RGPD2: variants seen among roughly 807,000 people sequenced by gnomAD.
RGPD2 encodes RANBP2 like and GRIP domain containing 2.
A neutral mutation model predicts 36.0 loss-of-function variants in RGPD2; 2 were observed. The ratio of observed to expected loss-of-function variants is 0.06; its 90% confidence interval spans 0.02 to 0.17. The LOEUF is 0.17. Among genes scored for constraint, RGPD2 ranks in the 10% least tolerant of loss-of-function variants. The pLI is 1.00. For synonymous variants in RGPD2, 19 were observed against 163.8 expected (o/e 0.12, Z 6.75); for missense variants, 40 against 464.3 (o/e 0.09, Z 8.40).
chr2:87,885,490 G>T, the RGPD2 span, among the ~76,000 whole-genome samples: 5 of 151,600 alleles, frequency 3.3e-5, no homozygotes, highest in African/African-American at 7.3e-5. Flanking sequence ...AGTACTGGAA[G>T]TCCTAGCCAG....
intron 20 of RGPD2, among the ~76,000 whole-genome samples, chr2:87,780,249 CAGAT>C: frequency 1.9e-5 from 1 of 51,388 alleles, no homozygotes; most frequent in East Asian, 4.1e-4. Flanking sequence ...TTGGGTAAAT[CAGAT>C]AGCCTCTCTT....
chr2:87,869,802 T>C, the RGPD2 span, among the ~76,000 whole-genome samples: 1 of 152,100 alleles, frequency 6.6e-6, no homozygotes, highest in African/African-American at 2.4e-5. Context: ...AAAAACTGAC[T>C]ATAAGAGAAG....
At chr2:87,858,020 C>A in the RGPD2 span, among the ~76,000 whole-genome samples, 1 of 152,210 alleles carries the variant, frequency 6.6e-6, no homozygotes, top group Non-Finnish European at 1.5e-5. Flanking sequence ...TGAAGCATTA[C>A]GTTAACTGCA....
chr2:87,853,318 G>A, the RGPD2 span, among the ~76,000 whole-genome samples: 5 of 152,100 alleles, frequency 3.3e-5, no homozygotes, highest in Non-Finnish European at 7.3e-5. Flanking sequence ...GAACTCTCAC[G>A]CTCAACTGTT....
chr2:87,857,759 A>G, the RGPD2 span, among the ~76,000 whole-genome samples: 12 of 149,424 alleles, frequency 8.0e-5, no homozygotes, highest in African/African-American at 3.0e-4. Context: ...CAACACGGTG[A>G]AACCCCATCT....
the RGPD2 span, among the ~76,000 whole-genome samples, chr2:87,879,322 T>A: frequency 6.6e-6 from 1 of 152,114 alleles, no homozygotes; most frequent in African/African-American, 2.4e-5. Context: ...CTTTTGATTT[T>A]AAAATGTATA....
At chr2:87,939,208 A>G in the RGPD2 span, among the ~76,000 whole-genome samples, 2 of 151,366 alleles carry the variant, frequency 1.3e-5, no homozygotes, top group Non-Finnish European at 2.9e-5. Flanking sequence ...ACGATTAACG[A>G]TACAAGTAAG....
At chr2:87,867,652 G>T in the RGPD2 span, among the ~76,000 whole-genome samples, 1 of 152,218 alleles carries the variant, frequency 6.6e-6, no homozygotes, top group East Asian at 1.9e-4. Context: ...TAATTTGGTA[G>T]TTTTTTTATT....
intron 6 of RGPD2, among the ~76,000 whole-genome samples, chr2:87,809,703 G>T (rs1686095884): frequency 2.0e-5 from 3 of 150,986 alleles, no homozygotes; most frequent in South Asian, 4.2e-4. Flanking sequence ...TGCCTAGGGT[G>T]GCACCAGCTT....
chr2:87,769,153 A>G (rs1314917820), intron 22 of RGPD2, among the ~76,000 whole-genome samples: 1 of 89,290 alleles, frequency 1.1e-5, no homozygotes, highest in Non-Finnish European at 2.3e-5. Flanking sequence ...TTCTGAGTAG[A>G]GACGGGGTTT....
chr2:87,961,843 A>C, the RGPD2 span, among the ~76,000 whole-genome samples: 1 of 151,228 alleles, frequency 6.6e-6, no homozygotes, highest in African/African-American at 2.4e-5. Context: ...GGCAGTTCAA[A>C]CCCATGTTAT....
chr2:87,876,969 C>CT, the RGPD2 span, among the ~76,000 whole-genome samples: 21 of 152,294 alleles, frequency 1.4e-4, no homozygotes, highest in East Asian at 2.3e-3. Flanking sequence ...CCTTCATTGT[C>CT]TTTTTTTTAT....
the RGPD2 span, among the ~76,000 whole-genome samples, chr2:87,960,063 T>TG: frequency 3.8e-5 from 2 of 52,074 alleles, no homozygotes. Context: ...TTGGGGGGGC[T>TG]GGGGGGCATA....
chr2:87,914,339 C>T, the RGPD2 span, among the ~76,000 whole-genome samples: 29 of 66,146 alleles, frequency 4.4e-4, no homozygotes, highest in Non-Finnish European at 8.0e-4. Flanking sequence ...TTTTAACAGT[C>T]TGTGTAGTGA....
chr2:87,763,165 T>C (rs961910684), intron 22 of RGPD2, among the ~76,000 whole-genome samples: 2 of 61,614 alleles, frequency 3.2e-5, no homozygotes, highest in Non-Finnish European at 6.0e-5. Flanking sequence ...GCTAGTAGTG[T>C]TTTTTTTTCT....
At chr2:87,822,600 A>G (rs1686431190) in intron 1 of RGPD2, among the ~76,000 whole-genome samples, 1 of 44,810 alleles carries the variant, frequency 2.2e-5, no homozygotes, top group Non-Finnish European at 4.4e-5. Flanking sequence ...CTCTACTAAA[A>G]ATAGAAAAAA....
the RGPD2 span, among the ~76,000 whole-genome samples, chr2:87,844,893 T>G: frequency 7.9e-6 from 1 of 126,862 alleles, no homozygotes; most frequent in African/African-American, 3.0e-5. Flanking sequence ...ACTTGCAGTA[T>G]TTTGTAGTTG....
chr2:87,952,753 G>A, the RGPD2 span, among the ~76,000 whole-genome samples: 3 of 151,934 alleles, frequency 2.0e-5, no homozygotes, highest in East Asian at 5.8e-4. Context: ...TTTCAACCTT[G>A]TTTTTCATCG....
chr2:87,897,188 C>T, the RGPD2 span, among the ~76,000 whole-genome samples: 9 of 147,106 alleles, frequency 6.1e-5, no homozygotes, highest in Admixed American at 2.1e-4. Flanking sequence ...GTAGCTTCCA[C>T]GTTAAGAAAC....
Sources: gnomAD v4.1 joint callset for allele counts (sites outside exome capture counted in the v4.1 genomes callset) on GRCh38, gnomAD v4.1.1 for gene constraint, MANE v1.5 for transcripts, NCBI Gene and HGNC (gene_info 2026-07-23, HGNC 2026-07-21) for gene names.